LHFPL6: variants seen among roughly 807,000 people sequenced by gnomAD.
The protein encoded by LHFPL6 is LHFPL tetraspan subfamily member 6 protein.
LHFPL6 carries 9 observed loss-of-function variants against 20.6 expected under a neutral mutation model. The observed-to-expected ratio is 0.44, with a 90% confidence interval of 0.26 to 0.76. LHFPL6 has a LOEUF of 0.76. Ranked by LOEUF, LHFPL6 falls within the 30% of genes least tolerant of loss-of-function variation. LHFPL6 has a pLI of 0.20. For missense variants in LHFPL6, 218 were observed against 253.5 expected (o/e 0.86, Z 0.95); for synonymous variants, 105 against 98.7 (o/e 1.06, Z -0.38).
intron 2 of LHFPL6, among the ~76,000 whole-genome samples, chr13:39,394,037 G>A (rs1309391225): frequency 6.6e-6 from 1 of 152,092 alleles, no homozygotes; most frequent in Non-Finnish European, 1.5e-5. Context: ...AACTACTTGG[G>A]CTAAAGCAAT....
At chr13:39,431,727 G>A (rs1173285845) in intron 2 of LHFPL6, among the ~76,000 whole-genome samples, 1 of 142,712 alleles carries the variant, frequency 7.0e-6, no homozygotes, top group South Asian at 2.4e-4. Context: ...TGGGGGGGGG[G>A]GGCTTCCTCT....
intron 3 of LHFPL6, among the ~76,000 whole-genome samples, chr13:39,352,837 GTA>G (rs1454751027): frequency 8.6e-6 from 1 of 116,936 alleles, no homozygotes; most frequent in Non-Finnish European, 1.7e-5. Context: ...ATATATATGT[GTA>G]TATATATATA....
chr13:39,377,274 A>C (rs1380314627), intron 3 of LHFPL6, among the ~76,000 whole-genome samples: 1 of 152,210 alleles, frequency 6.6e-6, no homozygotes, highest in Non-Finnish European at 1.5e-5. Flanking sequence ...GAAGGGTCCT[A>C]TGTCATGAAA....
At chr13:39,562,483 T>C (rs201019109) in intron 2 of LHFPL6, among the ~76,000 whole-genome samples, 14,236 of 118,684 alleles carry the variant, frequency 0.12, 2,105 homozygotes, top group East Asian at 0.34. Context: ...CACATATACA[T>C]ATATACACAT....
intron 2 of LHFPL6, among the ~76,000 whole-genome samples, chr13:39,523,677 A>C (rs890970136): frequency 6.6e-6 from 1 of 152,222 alleles, no homozygotes. Context: ...GAGATGTAAC[A>C]GCCTGAGAAA....
chr13:39,389,263 T>C (rs1165410746), intron 2 of LHFPL6, among the ~76,000 whole-genome samples: 2 of 152,130 alleles, frequency 1.3e-5, no homozygotes, highest in Non-Finnish European at 2.9e-5. Flanking sequence ...GGTGGGGAAC[T>C]AGTGGGGTGT....
At chr13:39,372,212 C>T (rs957923225) in intron 3 of LHFPL6, among the ~76,000 whole-genome samples, 5 of 152,136 alleles carry the variant, frequency 3.3e-5, no homozygotes, top group African/African-American at 4.8e-5. Context: ...GACCTTAGCT[C>T]CTGCCTTGCT....
intron 2 of LHFPL6, among the ~76,000 whole-genome samples, chr13:39,568,807 G>C (rs1871811071): frequency 6.6e-6 from 1 of 152,090 alleles, no homozygotes; most frequent in Admixed American, 6.6e-5. Flanking sequence ...ATGGACTCTT[G>C]CTTTGCTTTC....
chr13:39,485,820 A>G (rs935224996), intron 2 of LHFPL6, among the ~76,000 whole-genome samples: 10 of 152,218 alleles, frequency 6.6e-5, no homozygotes, highest in Non-Finnish European at 1.2e-4. Context: ...ACTTGTACCA[A>G]CGATTTTGCA....
chr13:39,361,926 A>C (rs1869882878), intron 3 of LHFPL6, among the ~76,000 whole-genome samples: 1 of 152,204 alleles, frequency 6.6e-6, no homozygotes, highest in Non-Finnish European at 1.5e-5. Flanking sequence ...GGAAAAGGGC[A>C]GGAGGGAGGT....
chr13:39,564,827 AC>A (rs990654609), intron 2 of LHFPL6, among the ~76,000 whole-genome samples: 4 of 152,244 alleles, frequency 2.6e-5, no homozygotes, highest in Non-Finnish European at 5.9e-5. Flanking sequence ...GGAGCAGTAT[AC>A]TAACTCTGAT....
chr13:39,512,601 CAAA>C (rs565183661), intron 2 of LHFPL6, among the ~76,000 whole-genome samples: 1 of 109,570 alleles, frequency 9.1e-6, no homozygotes, highest in Non-Finnish European at 1.8e-5. Flanking sequence ...GCCTCCGTCT[CAAA>C]AAAAAAAAAA....
intron 2 of LHFPL6, among the ~76,000 whole-genome samples, chr13:39,542,906 A>G (rs750105578): frequency 3.3e-5 from 5 of 152,244 alleles, no homozygotes; most frequent in African/African-American, 4.8e-5. Context: ...TATAAATTTT[A>G]GTGGCATTAA....
chr13:39,486,618 T>C (rs1177242168), intron 2 of LHFPL6, among the ~76,000 whole-genome samples: 5 of 152,292 alleles, frequency 3.3e-5, no homozygotes, highest in African/African-American at 1.2e-4. Flanking sequence ...CAGGGTGTCT[T>C]CTTCCACTCT....
At chr13:39,352,697 T>A (rs936932574) in intron 3 of LHFPL6, among the ~76,000 whole-genome samples, 12 of 151,708 alleles carry the variant, frequency 7.9e-5, no homozygotes, top group African/African-American at 2.9e-4. Flanking sequence ...TTTGAAAATT[T>A]TAACATGTTA....
At chr13:39,562,417 C>T (rs111556370) in intron 2 of LHFPL6, among the ~76,000 whole-genome samples, 9,441 of 56,386 alleles carry the variant, frequency 0.17, 1,049 homozygotes, top group South Asian at 0.23. Flanking sequence ...CACATATACA[C>T]ATATACATAT....
At chr13:39,468,187 C>A (rs1333197713) in intron 2 of LHFPL6, among the ~76,000 whole-genome samples, 1 of 152,166 alleles carries the variant, frequency 6.6e-6, no homozygotes, top group Non-Finnish European at 1.5e-5. Flanking sequence ...ATAATGTAAA[C>A]CCATTGTGAT....
chr13:39,555,070 A>T (rs570703715), intron 2 of LHFPL6, among the ~76,000 whole-genome samples: 2 of 152,336 alleles, frequency 1.3e-5, no homozygotes, highest in African/African-American at 4.8e-5. Flanking sequence ...AAAATAAAAG[A>T]TTACGAACAA....
At chr13:39,356,449 C>T (rs1869730341) in intron 3 of LHFPL6, among the ~76,000 whole-genome samples, 1 of 152,138 alleles carries the variant, frequency 6.6e-6, no homozygotes, top group Non-Finnish European at 1.5e-5. Context: ...AATCTAACAT[C>T]ATATCTGTGG....
Sources: allele counts gnomAD v4.1 joint callset (sites outside exome capture counted in the v4.1 genomes callset), GRCh38; gene constraint gnomAD v4.1.1; transcripts MANE v1.5; gene names NCBI Gene and HGNC (gene_info 2026-07-23, HGNC 2026-07-21).